Variants in ITPRID1 observed in about 807,000 individuals in gnomAD.
ITPRID1 encodes ITPR interacting domain containing 1.
Under a neutral mutation model 95.4 loss-of-function variants are expected in ITPRID1, and 96 were observed. The ratio of observed to expected loss-of-function variants is 1.01; its 90% CI spans 0.85 to 1.19. The LOEUF (loss-of-function observed/expected upper bound fraction) is 1.19. Among genes scored for constraint, ITPRID1 ranks in the 50% most tolerant of loss-of-function variants. The pLI is 0.00. For missense variants in ITPRID1, 1,339 were observed against 1,252.9 expected (o/e 1.07, Z -1.04); for synonymous variants, 510 against 453.6 (o/e 1.12, Z -1.58).
intron 9 of ITPRID1, among the ~76,000 whole-genome samples, chr7:31,580,675 C>T (rs1785368305): frequency 6.6e-6 from 1 of 151,134 alleles, no homozygotes; most frequent in African/African-American, 2.4e-5. Context: ...ATAAAGCAAA[C>T]AAAATCACAT....
At chr7:31,619,020 G>A (rs1012412920) in intron 10 of ITPRID1, among the ~76,000 whole-genome samples, 11 of 152,156 alleles carry the variant, frequency 7.2e-5, no homozygotes, top group African/African-American at 2.4e-4. Flanking sequence ...TCTGAGAGAG[G>A]AAATCCCTCT....
intron 10 of ITPRID1, among the ~76,000 whole-genome samples, chr7:31,627,145 T>C (rs942113071): frequency 1.2e-4 from 19 of 152,194 alleles, no homozygotes; most frequent in African/African-American, 4.3e-4. Context: ...GAGAAGCTCC[T>C]CAATGGCTGG....
intron 1 of ITPRID1, among the ~76,000 whole-genome samples, chr7:31,517,008 G>C (rs7780851): frequency 1.3e-5 from 2 of 152,056 alleles, no homozygotes; most frequent in Non-Finnish European, 2.9e-5. Context: ...TGAAACTACA[G>C]ACCTCTACCG....
rs775598830 is a variant in ITPRID1 at position 31,643,920 on chromosome 7, C to G, written c.2550C>G (p.Ala850=). 5.2e-5 allele frequency: 84 copies of G among 1,613,412 alleles called. 1 individual carries two copies. The highest frequency in any genetic ancestry group is 4.6e-4 in the South Asian group (42 of 91,034). ...QEAQFMTTLK[A]LQDTTVRELC... ...CCCAGTTCATGACGACTTTGAAAGC[C>G]CTTCAGGACACTACAGTGAGGGAGC... is the stretch of plus-strand genomic sequence containing the variant. The change falls in exon 12 of 15, where the codon GCC becomes GCG. Residue 850 remains alanine (A), a synonymous_variant. Transcript: ENST00000615280.
At chr7:31,583,851 G>A (rs1249425441) in intron 10 of ITPRID1, among the ~76,000 whole-genome samples, 1 of 152,120 alleles carries the variant, frequency 6.6e-6, no homozygotes, top group Non-Finnish European at 1.5e-5. Context: ...GCTTCATAGT[G>A]CACATGCTGT....
chr7:31,652,972 C>A lies in ITPRID1; in HGVS notation c.*143C>A. ...TCATATTCTACCCTTTGGTTAAACC[C>A]AAGAGGAGTTTAGAATACTCTAATA... On this transcript the variant is annotated 3_prime_UTR_variant, in exon 15 of 15. Transcript: ENST00000615280. The A allele has an allele frequency of 1.4e-6, 2 of 1,452,222 alleles. No individual in the cohort carries two copies. Among genetic ancestry groups the A allele is most frequent in the Non-Finnish European group, 1.8e-6 (2 of 1,105,914 alleles). 90.0% of individuals were successfully genotyped at this position (1,452,222 alleles called of 1,614,324 possible).
At chr7:31,619,502 G>A (rs890496103) in intron 10 of ITPRID1, among the ~76,000 whole-genome samples, 1 of 151,726 alleles carries the variant, frequency 6.6e-6, no homozygotes, top group African/African-American at 2.4e-5. Flanking sequence ...ATAGCATTTT[G>A]ATAAGAATAA....
intron 4 of ITPRID1, 100 bp from the exon 5 acceptor site, chr7:31,554,758 C>G (rs1402109703): frequency 1.8e-6 from 2 of 1,116,078 alleles, no homozygotes; most frequent in East Asian, 5.2e-5. Flanking sequence ...CTTACTAAAA[C>G]CTAACTCTGC....
intron 10 of ITPRID1, among the ~76,000 whole-genome samples, chr7:31,635,720 T>C (rs1264851639): frequency 2.0e-5 from 3 of 152,090 alleles, no homozygotes; most frequent in Admixed American, 2.0e-4. Flanking sequence ...GAAAAGAGGT[T>C]TAAATGAGAA....
chr7:31,562,630 G>C (rs1990376), intron 5 of ITPRID1, among the ~76,000 whole-genome samples: 1 of 152,000 alleles, frequency 6.6e-6, no homozygotes, highest in South Asian at 2.1e-4. Context: ...TGTTTTAGGT[G>C]AAGGGAACAA....
At chr7:31,537,490 T>G (rs1783798497) in intron 1 of ITPRID1, among the ~76,000 whole-genome samples, 2 of 152,108 alleles carry the variant, frequency 1.3e-5, no homozygotes, top group South Asian at 4.1e-4. Flanking sequence ...AAATCTATGA[T>G]TTTTTTAAAA....
At chr7:31,549,607 A>G in intron 2 of ITPRID1, 108 bp downstream of exon 2, 1 of 752,024 alleles carries the variant, frequency 1.3e-6, no homozygotes, top group Non-Finnish European at 2.0e-6. Context: ...AAAAGTTTGA[A>G]AATTTCCCCA....
intron 12 of ITPRID1, among the ~76,000 whole-genome samples, chr7:31,647,728 C>T (rs1402895696): frequency 3.0e-4 from 44 of 148,250 alleles, no homozygotes; most frequent in African/African-American, 1.1e-3. Context: ...ACGACAACGA[C>T]GACGACAATG....
rs554377756 is a variant in ITPRID1 at position 31,558,070 on chromosome 7, G to C, written c.256+3169G>C. ...GGAGTGAGTTATTTATCATGGGATT[G>C]GGTTAATTATCACGGGAGTGGGCTC... On this transcript the variant is annotated intron_variant, in intron 5 of 14. Transcript: ENST00000615280. Among the ~76,000 whole-genome samples, 3 of 152,194 alleles carry C rather than the reference G, an allele frequency of 2.0e-5. No homozygotes were observed. In the South Asian group the frequency reaches 6.2e-4, roughly 32 times the overall value.
At chr7:31,631,301 G>C (rs944456504) in intron 10 of ITPRID1, among the ~76,000 whole-genome samples, 1 of 152,020 alleles carries the variant, frequency 6.6e-6, no homozygotes, top group African/African-American at 2.4e-5. Flanking sequence ...TGCACACACA[G>C]ACACACAAAT....
intron 10 of ITPRID1, among the ~76,000 whole-genome samples, chr7:31,614,534 A>G (rs1461570197): frequency 6.6e-6 from 1 of 152,230 alleles, no homozygotes; most frequent in Admixed American, 6.5e-5. Flanking sequence ...TATATACTCC[A>G]TGAATGCAGT....
At chr7:31,637,307 G>A (rs552444815) in intron 10 of ITPRID1, among the ~76,000 whole-genome samples, 7 of 152,218 alleles carry the variant, frequency 4.6e-5, no homozygotes, top group East Asian at 1.9e-4. Flanking sequence ...CTGAGGAATC[G>A]CCACACTGAC....
intron 10 of ITPRID1, among the ~76,000 whole-genome samples, chr7:31,585,631 C>T (rs976840925): frequency 4.6e-5 from 7 of 152,106 alleles, no homozygotes; most frequent in African/African-American, 7.2e-5. Flanking sequence ...GATGAGTCTA[C>T]TGCAGAACTA....
chr7:31,620,248 G>A (rs987018336), intron 10 of ITPRID1, among the ~76,000 whole-genome samples: 9 of 152,054 alleles, frequency 5.9e-5, no homozygotes, highest in African/African-American at 2.2e-4. Flanking sequence ...CAGCTTTGAA[G>A]AGAGCAGTGG....
Sources: allele counts gnomAD v4.1 joint callset (sites outside exome capture counted in the v4.1 genomes callset), GRCh38; gene constraint gnomAD v4.1.1; transcripts MANE v1.5; gene names NCBI Gene and HGNC (gene_info 2026-07-23, HGNC 2026-07-21).